ZNF804B: variants seen among roughly 807,000 people sequenced by gnomAD.
The protein encoded by ZNF804B is zinc finger protein 804B, also known as zinc finger 804B.
ZNF804B carries 80 observed loss-of-function variants against 101.4 expected under a neutral mutation model. That is an observed-to-expected ratio of 0.79 (90% CI 0.66 to 0.95). The LOEUF is 0.95. ZNF804B is among the 40% of genes least tolerant of loss of function. The probability of loss-of-function intolerance (pLI) is 0.00; values close to 1 mark genes in which losing one functional copy is unlikely to be tolerated. For missense variants in ZNF804B, 1,673 were observed against 1,561.9 expected (o/e 1.07, Z -1.20); for synonymous variants, 622 against 558.8 (o/e 1.11, Z -1.59).
intron 2 of ZNF804B, among the ~76,000 whole-genome samples, chr7:89,228,981 C>G (rs1320464909): frequency 6.6e-6 from 1 of 152,208 alleles, no homozygotes; most frequent in Non-Finnish European, 1.5e-5. Context: ...TGCTAGGCCC[C>G]TCACTGCCCA....
rs1488755157 is a variant in ZNF804B at position 88,915,595 on chromosome 7, A to G, written c.108+155511A>G. ...AGAGTTTTTGCTTCATAATGACTACATATGTAAAAGATTTTGTAGAAGTTG... is the reference window on the plus strand; with the variant it reads ...AGAGTTTTTGCTTCATAATGACTACGTATGTAAAAGATTTTGTAGAAGTTG... On this transcript the variant is annotated intron_variant, in intron 1 of 3. Transcript: ENST00000333190. Among the ~76,000 whole-genome samples, 3 of 151,968 alleles carry G rather than the reference A, an allele frequency of 2.0e-5. No individual in the cohort carries two copies. In the East Asian group the frequency reaches 5.8e-4, roughly 29 times the overall value.
At chr7:89,249,573 T>A (rs1789508886) in intron 2 of ZNF804B, among the ~76,000 whole-genome samples, 1 of 152,012 alleles carries the variant, frequency 6.6e-6, no homozygotes, top group Non-Finnish European at 1.5e-5. Context: ...TTAAAAAAAA[T>A]TATTTGAAAT....
At chr7:89,276,266 G>A (rs556130767) in intron 2 of ZNF804B, among the ~76,000 whole-genome samples, 56 of 151,844 alleles carry the variant, frequency 3.7e-4, no homozygotes, top group African/African-American at 1.2e-3. Context: ...AAAACACCAT[G>A]GCACGTGGTT....
chr7:88,916,605 T>G (rs1056106414), intron 1 of ZNF804B, among the ~76,000 whole-genome samples: 2 of 152,174 alleles, frequency 1.3e-5, no homozygotes, highest in Non-Finnish European at 2.9e-5. Context: ...ATTTCTTTTT[T>G]GCTATTTAGA....
intron 1 of ZNF804B, among the ~76,000 whole-genome samples, chr7:88,763,543 G>A (rs1789930202): frequency 6.7e-6 from 1 of 149,668 alleles, no homozygotes; most frequent in African/African-American, 2.5e-5. Flanking sequence ...TTAAATCCAG[G>A]GACATATTAA....
chr7:88,826,637 CATCTTTATTTTATAG>C (rs1791054715), intron 1 of ZNF804B, among the ~76,000 whole-genome samples: 2 of 46,450 alleles, frequency 4.3e-5, no homozygotes, highest in Admixed American at 5.4e-4. Flanking sequence ...AATTCCAAAG[CATCTTTATTTTATAG>C]CAGTATTTTT....
rs765417321 is a variant in ZNF804B at position 89,336,564 on chromosome 7, C to T, written c.3582C>T (p.Thr1194=). 2.1e-5 allele frequency: 34 copies of T among 1,614,086 alleles called. 1 individual carries two copies. Among genetic ancestry groups the T allele is most frequent in the Non-Finnish European group, 2.5e-5 (30 of 1,180,000 alleles). Residue 1194 remains threonine (T), a synonymous_variant, in exon 4 of 4, where the codon ACC becomes ACT. Transcript: ENST00000333190. ...CTACTGCCTTCTCTCCGGCCTCAAC[C>T]GTACAGACAGTTCCAGTTCACCAGC... ...AGPTAFSPAS[T]VQTVPVHQHT... is the part of the protein sequence containing the mutation.
intron 1 of ZNF804B, among the ~76,000 whole-genome samples, chr7:88,804,724 T>C (rs1286957672): frequency 1.3e-5 from 2 of 152,154 alleles, no homozygotes; most frequent in Non-Finnish European, 2.9e-5. Context: ...CCTATTATGC[T>C]AAAATGTGTT....
At position 88,760,077 on chromosome 7, in the gene ZNF804B, C is replaced by T. The variant is rs146999912; in HGVS notation, c.101C>T (p.Pro34Leu). Residue 34 changes from proline to leucine, a missense_variant, in exon 1 of 4, where the codon CCC becomes CTC. Physicochemically the swap from Pro to Leu is moderately conservative, Grantham distance 98. Transcript: ENST00000333190. ...GGACCCCTGTGCAAGAACGGATCTC[C>T]CTCTCCGGTAATGTGCGCGCGCACA... is the stretch of plus-strand genomic sequence containing the variant. ...FRGPLCKNGS[P>L]SPDFAEKKST... 29 of 1,613,794 alleles carry T rather than the reference C, an allele frequency of 1.8e-5. No homozygotes were observed. The highest frequency in any genetic ancestry group is 2.4e-5 in the Non-Finnish European group (28 of 1,179,806).
intron 1 of ZNF804B, among the ~76,000 whole-genome samples, chr7:88,929,221 C>T (rs145618590): frequency 2.6e-3 from 398 of 151,770 alleles, no homozygotes; most frequent in African/African-American, 8.3e-3. Context: ...GTATTAAAAA[C>T]GGGGAGAGAG....
chr7:88,835,080 A>G (rs73705548), intron 1 of ZNF804B, among the ~76,000 whole-genome samples: 2,115 of 151,956 alleles, frequency 0.014, 49 homozygotes, highest in African/African-American at 0.048. Flanking sequence ...GTTTTATTCT[A>G]TTTTTATATT....
chr7:89,245,358 C>T (rs1159010510), intron 2 of ZNF804B, among the ~76,000 whole-genome samples: 2 of 152,076 alleles, frequency 1.3e-5, no homozygotes, highest in Non-Finnish European at 2.9e-5. Flanking sequence ...CAGAATTTCT[C>T]ACAGAGACTT....
chr7:88,832,114 A>G (rs1020203369), intron 1 of ZNF804B, among the ~76,000 whole-genome samples: 3 of 151,826 alleles, frequency 2.0e-5, no homozygotes, highest in East Asian at 3.9e-4. Context: ...CAATTGTGGC[A>G]TATGCATTCT....
intron 1 of ZNF804B, among the ~76,000 whole-genome samples, chr7:89,059,495 C>A (rs79284386): frequency 0.024 from 3,638 of 152,108 alleles, 148 homozygotes; most frequent in African/African-American, 0.084. Context: ...CCTAAGTGAA[C>A]TGAGCAAGAA....
At chr7:89,191,195 A>G (rs1464469938) in intron 1 of ZNF804B, among the ~76,000 whole-genome samples, 2 of 152,192 alleles carry the variant, frequency 1.3e-5, no homozygotes, top group African/African-American at 2.4e-5. Flanking sequence ...AACAACATAA[A>G]TTAAAAACTA....
chr7:89,050,555 T>C (rs1789184122), intron 1 of ZNF804B, among the ~76,000 whole-genome samples: 1 of 152,180 alleles, frequency 6.6e-6, no homozygotes, highest in Non-Finnish European at 1.5e-5. Flanking sequence ...CACCTGTCCA[T>C]CAGGACTCAA....
At chr7:88,877,228 T>C (rs1791967745) in intron 1 of ZNF804B, among the ~76,000 whole-genome samples, 1 of 149,886 alleles carries the variant, frequency 6.7e-6, no homozygotes, top group African/African-American at 2.5e-5. Flanking sequence ...GAAAATAGAA[T>C]TTTAAAAAGC....
rs1487886166 is a variant in ZNF804B at position 88,877,007 on chromosome 7, A to AAAAATATATATATATAATATATATT, written c.108+116924_108+116925insAAATATATATATATAATATATATTA. 1.9e-3 allele frequency among the ~76,000 whole-genome samples: 140 copies of AAAAATATATATATATAATATATATT among 75,170 alleles called. 6 individuals carry two copies. Among genetic ancestry groups the AAAAATATATATATATAATATATATT allele is most frequent in the African/African-American group, 0.013 (134 of 10,660 alleles). 49.3% of individuals were successfully genotyped at this position (75,170 alleles called of 152,430 possible). A position where few individuals can be genotyped will look rare whatever the true frequency, so the allele number is the denominator to read the frequency against. Reference sequence around the variant, plus strand: ...TATACAGAGAATATTTGAAAAAAAAAATATATATATATATATATAATATAT... The same window carrying AAAAATATATATATATAATATATATT: ...TATACAGAGAATATTTGAAAAAAAAAAAAATATATATATATAATATATATTATATATATATATATATATAATATAT... On this transcript the variant is annotated intron_variant, in intron 1 of 3. Coordinates refer to ENST00000333190, the MANE Select transcript of ZNF804B (RefSeq NM_181646.5).
intron 1 of ZNF804B, among the ~76,000 whole-genome samples, chr7:89,166,370 A>G (rs959722128): frequency 2.0e-5 from 3 of 152,190 alleles, no homozygotes; most frequent in Non-Finnish European, 2.9e-5. Flanking sequence ...ACCAATAACA[A>G]TATATTAACA....
Sources: gnomAD v4.1 joint callset for allele counts (sites outside exome capture counted in the v4.1 genomes callset) on GRCh38, gnomAD v4.1.1 for gene constraint, MANE v1.5 for transcripts, NCBI Gene and HGNC (gene_info 2026-07-23, HGNC 2026-07-21) for gene names.